Variants in GPC1 observed in about 807,000 individuals in gnomAD.
GPC1 encodes glypican-1.
In GPC1, 26 loss-of-function variants were observed where a neutral mutation model predicts 51.5. That is an observed-to-expected ratio of 0.50 (90% CI 0.37 to 0.70). The LOEUF (loss-of-function observed/expected upper bound fraction) is 0.70. Ranked by LOEUF, GPC1 falls within the 30% of genes least tolerant of loss-of-function variation. GPC1 has a pLI of 0.00. For synonymous variants in GPC1, 380 were observed against 348.3 expected (o/e 1.09, Z -1.01); for missense variants, 775 against 800.5 (o/e 0.97, Z 0.38).
chr2:240,462,135 C>T (rs2074220914), intron 2 of GPC1, 56 bp from the exon 3 acceptor site: 4 of 1,482,316 alleles, frequency 2.7e-6, no homozygotes, highest in African/African-American at 1.4e-5. Context: ...CTGCTCTGGT[C>T]CAGCTGCCAC....
intron 1 of GPC1, among the ~76,000 whole-genome samples, chr2:240,440,928 G>A (rs1005827731): frequency 3.3e-5 from 5 of 152,266 alleles, no homozygotes; most frequent in Middle Eastern, 3.2e-3. Context: ...TGTTCCCAGC[G>A]TGTGCCACGA....
At chr2:240,436,196 C>G in intron 1 of GPC1, 112 bp downstream of exon 1, 1 of 703,140 alleles carries the variant, frequency 1.4e-6, no homozygotes, top group Non-Finnish European at 2.0e-6. Context: ...CCGCCTGCGC[C>G]CCGCCGCCCG....
chr2:240,455,876 G>A (rs2074154985), intron 1 of GPC1: 2 of 287,948 alleles, frequency 6.9e-6, no homozygotes, highest in Non-Finnish European at 1.4e-5. Flanking sequence ...GCCAGCGGGA[G>A]GCCTCCTGCC....
At chr2:240,465,974 C>A in intron 8 of GPC1, 84 bp from the exon 9 acceptor site, 1 of 685,818 alleles carries the variant, frequency 1.5e-6, no homozygotes, top group South Asian at 1.7e-5. Flanking sequence ...ATGTTGGGGT[C>A]ACCTGGCACG....
At chr2:240,463,848 A>C in intron 4 of GPC1, 1 of 343,628 alleles carries the variant, frequency 2.9e-6, no homozygotes, top group Non-Finnish European at 5.4e-6. Context: ...TAACACATAC[A>C]TGCACCGTCA....
Position 240,459,024 on chromosome 2 carries a change from C to T in GPC1, c.167-6C>T. On this transcript the variant is annotated splice_region_variant and splice_polypyrimidine_tract_variant and intron_variant, in intron 1 of 8. Coordinates refer to ENST00000264039, the MANE Select transcript of GPC1 (RefSeq NM_002081.3). ...CCCTCTCCCTCACACTGGCCTTTCC[C>T]CACAGGTGAGCACCTGCGGATCTGT... 1 of 1,612,306 alleles carries T rather than the reference C, an allele frequency of 6.2e-7. No homozygotes were observed. The highest frequency in any genetic ancestry group is 8.5e-7 in the Non-Finnish European group (1 of 1,179,592).
intron 1 of GPC1, among the ~76,000 whole-genome samples, chr2:240,445,086 T>TC: frequency 6.6e-6 from 1 of 152,252 alleles, no homozygotes; most frequent in African/African-American, 2.4e-5. Flanking sequence ...GCCCCACTGT[T>TC]CCTGAACGCG....
intron 1 of GPC1, among the ~76,000 whole-genome samples, 189 bp downstream of exon 1, chr2:240,436,273 G>T (rs1280542641): frequency 6.6e-6 from 1 of 151,976 alleles, no homozygotes; most frequent in Non-Finnish European, 1.5e-5. Flanking sequence ...CAAGCCCCGC[G>T]CCGCACTCCC....
chr2:240,444,631 G>A (rs368273675), intron 1 of GPC1, among the ~76,000 whole-genome samples: 9 of 152,172 alleles, frequency 5.9e-5, no homozygotes, highest in South Asian at 4.1e-4. Flanking sequence ...TGGCCTGTGC[G>A]CACCTTCAGA....
Position 240,448,500 on chromosome 2 carries a change from TG to T in GPC1, c.167-10528del, listed in dbSNP as rs968444561. On this transcript the variant is annotated intron_variant, in intron 1 of 8. Transcript: ENST00000264039. This position sits in a 1 kb window ranked among gnomAD's most constrained non-coding sequence, Gnocchi z 4.5. ...AGTCAGGACTCCAGGTGCCTGGGGG[TG>T]GAACTCTGAGCCTCCGGCTCTCCTC... Among the ~76,000 whole-genome samples the T allele has an allele frequency of 2.0e-5, 3 of 149,334 alleles. No homozygotes were observed. Among genetic ancestry groups the T allele is most frequent in the African/African-American group, 7.3e-5 (3 of 40,890 alleles).
intron 1 of GPC1, chr2:240,458,006 G>T (rs577904061): frequency 1.1e-5 from 5 of 469,236 alleles, no homozygotes; most frequent in African/African-American, 4.0e-5. Flanking sequence ...CCTTAGAGGC[G>T]GGGGACGAGG....
At chr2:240,454,156 T>C (rs959494882) in intron 1 of GPC1, among the ~76,000 whole-genome samples, 2 of 152,080 alleles carry the variant, frequency 1.3e-5, no homozygotes, top group African/African-American at 2.4e-5. Flanking sequence ...GACGAGGAGC[T>C]GAGATGCCGT....
rs775810683 is a variant in GPC1, at chr2:240,435,992, C to A, written c.74C>A (p.Pro25Gln). The change falls in exon 1 of 9, where the codon CCG (proline) becomes CAG (glutamine). Residue 25 changes from proline (P) to glutamine (Q), a missense_variant. Transcript: ENST00000264039. ...AALVACARGD[P>Q]ASKSRSCGEV... is the part of the protein sequence containing the mutation. ...CTGGTCGCCTGCGCCCGCGGGGACC[C>A]GGCCAGCAAGAGCCGGAGCTGCGGC... The A allele has an allele frequency of 7.3e-7, 1 of 1,379,078 alleles. No homozygotes were observed. The highest frequency in any genetic ancestry group is 3.0e-5 in the East Asian group (1 of 33,744). The allele number at this position is 1,379,078 out of a possible 1,614,324, so 85.4% of individuals were successfully genotyped here. A position where few individuals can be genotyped will look rare whatever the true frequency, so the allele number is the denominator to read the frequency against.
chr2:240,447,486 G>A (rs776635889), intron 1 of GPC1, among the ~76,000 whole-genome samples: 2 of 152,208 alleles, frequency 1.3e-5, no homozygotes, highest in Non-Finnish European at 2.9e-5. Context: ...CACTGCCTGC[G>A]CCCCTGTCCC....
At chr2:240,458,125 C>A in intron 1 of GPC1, 1 of 460,624 alleles carries the variant, frequency 2.2e-6, no homozygotes, top group South Asian at 1.6e-5. Flanking sequence ...CCTGTAAGCC[C>A]CGGTTTTCTG....
chr2:240,450,413 G>T (rs966448443), intron 1 of GPC1: 2 of 355,774 alleles, frequency 5.6e-6, no homozygotes, highest in Non-Finnish European at 1.1e-5. Flanking sequence ...GCTGTTCCTC[G>T]TGCTGGGCCC....
chr2:240,463,247 T>C, intron 3 of GPC1, 100 bp from the exon 4 acceptor site: 3 of 1,023,742 alleles, frequency 2.9e-6, no homozygotes, highest in Non-Finnish European at 4.4e-6. Context: ...CTCCCCTGAC[T>C]TCCCTCCAGA....
At chr2:240,441,294 A>G (rs538919630) in intron 1 of GPC1, among the ~76,000 whole-genome samples, 1 of 152,354 alleles carries the variant, frequency 6.6e-6, no homozygotes, top group Admixed American at 6.5e-5. Context: ...GGTGTCAGCC[A>G]TGGGCTGGCA....
intron 1 of GPC1, among the ~76,000 whole-genome samples, chr2:240,436,321 G>C (rs1214228998): frequency 6.6e-6 from 1 of 151,984 alleles, no homozygotes; most frequent in Non-Finnish European, 1.5e-5. Flanking sequence ...GTCGTCCTCC[G>C]CCCCTCCCCG....
Sources: allele counts gnomAD v4.1 joint callset (sites outside exome capture counted in the v4.1 genomes callset), GRCh38; gene constraint gnomAD v4.1.1; non-coding constraint Gnocchi (gnomAD v3.1); transcripts MANE v1.5; gene names NCBI Gene and HGNC (gene_info 2026-07-23, HGNC 2026-07-21).